The following GBF1 variants were observed in gnomAD, a reference collection of about 807,000 sequenced individuals.
GBF1 encodes Golgi-specific brefeldin A-resistance guanine nucleotide exchange factor 1.
A neutral mutation model predicts 210.5 loss-of-function variants in GBF1; 114 were observed. The observed-to-expected ratio is 0.54, with a 90% CI of 0.47 to 0.63. The LOEUF is 0.63. GBF1 is among the 30% of genes least tolerant of loss of function. The pLI is 0.00. For synonymous variants in GBF1, 850 were observed against 889.2 expected (o/e 0.96, Z 0.78); for missense variants, 1,851 against 2,357.7 (o/e 0.79, Z 4.45).
At chr10:102,315,873 C>T (rs1405648400) in intron 3 of GBF1, among the ~76,000 whole-genome samples, 1 of 152,014 alleles carries the variant, frequency 6.6e-6, no homozygotes, top group Non-Finnish European at 1.5e-5. Flanking sequence ...TACAATTTAG[C>T]AATTCCATAA....
At chr10:102,380,073 A>C in intron 36 of GBF1, 119 bp downstream of exon 36, 1 of 753,624 alleles carries the variant, frequency 1.3e-6, no homozygotes, top group Admixed American at 2.2e-5. Flanking sequence ...CCCCCCAGCT[A>C]TGGACACTAA....
At position 102,362,554 on chromosome 10, in the gene GBF1, C is replaced by T; in HGVS notation, c.1766C>T (p.Thr589Ile). The T allele has an allele frequency of 6.2e-7, 1 of 1,613,914 alleles. No individual in the cohort carries two copies. Among genetic ancestry groups the T allele is most frequent in the Admixed American group, 1.7e-5 (1 of 60,012 alleles). ...LDALLTVIDS[T>I]EAHCQAKVLN... Reference sequence around the variant, plus strand: ...GCCCTATTGACAGTGATTGACAGCACCGAGGCCCACTGCCAGGCTAAAGTC... The same window carrying T: ...GCCCTATTGACAGTGATTGACAGCATCGAGGCCCACTGCCAGGCTAAAGTC... The change falls in exon 15 of 40, where the codon ACC becomes ATC. Residue 589 changes from threonine to isoleucine, a missense_variant. By Grantham distance (89) the Thr-to-Ile change is moderately conservative (BLOSUM62 -1). Around this residue, in one of 3 missense-constraint regions of GBF1, gnomAD observed 804 missense variants for 958.6 expected, o/e 0.84. Coordinates refer to ENST00000369983, the MANE Select transcript of GBF1 (RefSeq NM_001377137.1).
At chr10:102,294,277 A>G (rs1362900201) in intron 3 of GBF1, among the ~76,000 whole-genome samples, 2 of 152,078 alleles carry the variant, frequency 1.3e-5, no homozygotes, top group Non-Finnish European at 2.9e-5. Flanking sequence ...AGGCCTTCAC[A>G]TTCACTCACT....
In GBF1 at chr10:102,366,496, A is replaced by T; in HGVS notation, c.2423A>T (p.Glu808Val). The change falls in exon 19 of 40, where the codon GAG (glutamate) becomes GTG (valine). Residue 808 changes from glutamate to valine, a missense_variant. Physicochemically the swap from Glu to Val is moderately radical, Grantham distance 121. This residue lies in a region of GBF1 where 80 missense variants were observed against 151.4 expected (regional missense o/e 0.53). Transcript: ENST00000369983. The surrounding 1 kb of genome is among the most constrained non-coding windows in gnomAD (Gnocchi z 4.0). ...CAGAGGTTGCTGGAGGCATTCACAGAGCGTTGGATGGTGAGTTTGAGTGTC... is the reference window on the plus strand; with the variant it reads ...CAGAGGTTGCTGGAGGCATTCACAGTGCGTTGGATGGTGAGTTTGAGTGTC... ...VIQRLLEAFT[E>V]RWMNCNGSPF... The T allele has an allele frequency of 6.2e-7, 1 of 1,612,208 alleles. No homozygotes were observed. Among genetic ancestry groups the T allele is most frequent in the Non-Finnish European group, 8.5e-7 (1 of 1,179,108 alleles).
At chr10:102,352,358 C>T in intron 6 of GBF1, 100 bp from the exon 7 acceptor site, 1 of 851,448 alleles carries the variant, frequency 1.2e-6, no homozygotes, top group Non-Finnish European at 2.0e-6. Flanking sequence ...TTGGCATAAT[C>T]CTTGGTAAAC....
the GBF1 span, chr10:102,232,121 G>A: frequency 8.0e-7 from 1 of 1,247,106 alleles, no homozygotes; most frequent in African/African-American, 1.5e-5. Context: ...ACAGACCAGG[G>A]TAATGGGGGT....
intron 33 of GBF1, 122 bp downstream of exon 33, chr10:102,377,262 C>T (rs1335668760): frequency 1.5e-6 from 1 of 674,318 alleles, no homozygotes; most frequent in African/African-American, 1.8e-5. Flanking sequence ...CCCTGGACCA[C>T]CATCTTCACA....
chr10:102,364,355 G>T (rs919242254), intron 17 of GBF1, among the ~76,000 whole-genome samples: 51 of 148,986 alleles, frequency 3.4e-4, no homozygotes, highest in Admixed American at 2.2e-3. Flanking sequence ...CTCCCAAGTA[G>T]CTGGGACTAC....
chr10:102,340,420 C>T (rs556866588), intron 3 of GBF1, among the ~76,000 whole-genome samples: 99 of 151,984 alleles, frequency 6.5e-4, no homozygotes, highest in African/African-American at 2.4e-3. Flanking sequence ...ACTACAGGCT[C>T]CCGCCACCAC....
rs549941428 is a variant in GBF1, at chr10:102,280,146, G to A, written c.163+20030G>A. 1.5e-4 allele frequency among the ~76,000 whole-genome samples: 23 copies of A among 152,158 alleles called. No individual in the cohort carries two copies. In the East Asian group the frequency reaches 4.2e-3, roughly 28 times the overall value. The stretch of plus-strand genomic sequence containing the variant: ...TTAAAAAAAAAGAGAGAGAGAGAGA[G>A]AGAGAGAAATAAGTAGAGACAAAAG... On this transcript the variant is annotated intron_variant, in intron 3 of 39. Coordinates refer to ENST00000369983, the MANE Select transcript of GBF1 (RefSeq NM_001377137.1).
In GBF1 at chr10:102,356,766, CAA is replaced by C. The variant is rs761159635; in HGVS notation, c.640-1254_640-1253del. Among the ~76,000 whole-genome samples, 1,848 of 84,476 alleles carry C rather than the reference CAA, an allele frequency of 0.022. 58 individuals carry two copies. The East Asian group carries it at 0.22, about 10-fold the overall frequency. The allele number at this position is 84,476 out of a possible 152,430, so 55.4% of individuals were successfully genotyped here. On this transcript the variant is annotated intron_variant, in intron 8 of 39. Coordinates refer to ENST00000369983, the MANE Select transcript of GBF1 (RefSeq NM_001377137.1). ...TGGGTGGCACAGTGAGACTCTGTCTCAAAAAAAAAAAAAAAAAAAATGGGGCC... is the reference window on the plus strand; with the variant it reads ...TGGGTGGCACAGTGAGACTCTGTCTCAAAAAAAAAAAAAAAAAATGGGGCC...
chr10:102,375,461 G>A lies in GBF1; in HGVS notation c.3763G>A (p.Ala1255Thr), dbSNP rs754239943. The A allele has an allele frequency of 6.2e-7, 1 of 1,613,684 alleles. No individual in the cohort carries two copies. The highest frequency in any genetic ancestry group is 8.5e-7 in the Non-Finnish European group (1 of 1,179,588). The change falls in exon 30 of 40, where the codon GCA (alanine) becomes ACA (threonine). Residue 1255 changes from alanine (A) to threonine (T), a missense_variant. Ala to Thr is a moderately conservative substitution (Grantham distance 58). Coordinates refer to ENST00000369983, the MANE Select transcript of GBF1 (RefSeq NM_001377137.1). Reference sequence around the variant, plus strand: ...GCTCCATGAACTCCTGAAGACCAATGCAGCCAACATCCACTCAGGTGATGA... The same window carrying A: ...GCTCCATGAACTCCTGAAGACCAATACAGCCAACATCCACTCAGGTGATGA... ...YGLHELLKTN[A>T]ANIHSGDDWA...
chr10:102,289,849 T>C (rs1386414063), intron 3 of GBF1, among the ~76,000 whole-genome samples: 1 of 152,220 alleles, frequency 6.6e-6, no homozygotes, highest in East Asian at 1.9e-4. Flanking sequence ...GGCTCATGCC[T>C]GTAATTCCAG....
At position 102,360,509 on chromosome 10, in the gene GBF1, G is replaced by C. The variant is rs1351064466; in HGVS notation, c.1392+114G>C. 4.3e-6 allele frequency: 3 copies of C among 704,392 alleles called. No homozygotes were observed. In the East Asian group the frequency reaches 7.9e-5, roughly 19 times the overall value. 43.6% of individuals were successfully genotyped at this position (704,392 alleles called of 1,614,324 possible). On this transcript the variant is annotated intron_variant, in intron 12 of 39. Transcript: ENST00000369983. ...GACCTAGGAAAGCATCTCCCTCCCAGTTGGCTAGTAGTTTTAGTAAGAGGG... is the reference window on the plus strand; with the variant it reads ...GACCTAGGAAAGCATCTCCCTCCCACTTGGCTAGTAGTTTTAGTAAGAGGG...
At chr10:102,315,225 A>G (rs1305043443) in intron 3 of GBF1, among the ~76,000 whole-genome samples, 2 of 152,154 alleles carry the variant, frequency 1.3e-5, no homozygotes, top group African/African-American at 4.8e-5. Context: ...ATGGTCCTCT[A>G]CTTCAGGGGG....
intron 3 of GBF1, among the ~76,000 whole-genome samples, chr10:102,342,286 C>T (rs1480180069): frequency 6.6e-6 from 1 of 152,054 alleles, no homozygotes; most frequent in Non-Finnish European, 1.5e-5. Context: ...ATGCGCCCGC[C>T]TCGGCCTCCC....
chr10:102,306,854 C>T (rs538708303), intron 3 of GBF1, among the ~76,000 whole-genome samples: 42 of 152,314 alleles, frequency 2.8e-4, no homozygotes, highest in African/African-American at 9.9e-4. Flanking sequence ...CTTGTTTCCT[C>T]ATGTTATCAG....
At chr10:102,338,758 C>G (rs1339268169) in intron 3 of GBF1, among the ~76,000 whole-genome samples, 2 of 151,646 alleles carry the variant, frequency 1.3e-5, no homozygotes, top group African/African-American at 2.4e-5. Flanking sequence ...ACCAGCCTGA[C>G]AAACATGGAG....
intron 3 of GBF1, among the ~76,000 whole-genome samples, chr10:102,333,381 C>T (rs892422419): frequency 6.6e-6 from 1 of 152,094 alleles, no homozygotes; most frequent in African/African-American, 2.4e-5. Flanking sequence ...AGCTGATAAA[C>T]GAAGGTATGG....
Sources: gnomAD v4.1 joint callset for allele counts (sites outside exome capture counted in the v4.1 genomes callset) on GRCh38, gnomAD v4.1.1 for gene constraint, gnomAD v4.1.1 regional missense constraint, Gnocchi (gnomAD v3.1) non-coding constraint, MANE v1.5 for transcripts, NCBI Gene and HGNC (gene_info 2026-07-23, HGNC 2026-07-21) for gene names.